The following PACS1 variants were observed in gnomAD, a reference collection of about 807,000 sequenced individuals.
The protein encoded by PACS1 is phosphofurin acidic cluster sorting protein 1.
Under a neutral mutation model 115.0 loss-of-function variants are expected in PACS1, and 24 were observed. The observed-to-expected ratio is 0.21, with a 90% CI of 0.15 to 0.29. The LOEUF is 0.29. Ranked by LOEUF, PACS1 falls within the 10% of genes least tolerant of loss-of-function variation. PACS1 has a pLI of 1.00. For synonymous variants in PACS1, 453 were observed against 504.5 expected, an observed-to-expected ratio of 0.90 and a Z score of 1.37; for missense variants, 838 against 1,251.2, an observed-to-expected ratio of 0.67 and a Z score of 4.98.
intron 2 of PACS1, among the ~76,000 whole-genome samples, chr11:66,206,253 TTC>T (rs1218549161): frequency 6.6e-6 from 1 of 152,214 alleles, no homozygotes. Context: ...ATGGTTTTGC[TTC>T]TATACTGCAA....
intron 10 of PACS1, among the ~76,000 whole-genome samples, chr11:66,222,165 G>A (rs1855365256): frequency 6.6e-6 from 1 of 152,152 alleles, no homozygotes; most frequent in South Asian, 2.1e-4. Context: ...AGCTGAGAGT[G>A]TGGCATGGAG....
At chr11:66,077,518 G>A (rs552166698) in intron 1 of PACS1, among the ~76,000 whole-genome samples, 2 of 152,224 alleles carry the variant, frequency 1.3e-5, no homozygotes, top group South Asian at 2.1e-4. Context: ...CCATGATCTC[G>A]CCCCTGTACT....
At chr11:66,078,116 G>GA (rs1447376114) in intron 1 of PACS1, among the ~76,000 whole-genome samples, 1 of 152,134 alleles carries the variant, frequency 6.6e-6, no homozygotes, top group Non-Finnish European at 1.5e-5. Context: ...TGTGAGTAAT[G>GA]ATCTGTGTCC....
At chr11:66,090,577 G>A (rs1472550982) in intron 1 of PACS1, among the ~76,000 whole-genome samples, 1 of 151,960 alleles carries the variant, frequency 6.6e-6, no homozygotes, top group Non-Finnish European at 1.5e-5. Flanking sequence ...CCTAAAAGTG[G>A]CACCTGTTTT....
At chr11:66,155,254 T>C (rs1280250180) in intron 1 of PACS1, among the ~76,000 whole-genome samples, 1 of 152,122 alleles carries the variant, frequency 6.6e-6, no homozygotes, top group Non-Finnish European at 1.5e-5. Flanking sequence ...AAAAAGCACA[T>C]ACCATAAAAT....
intron 1 of PACS1, among the ~76,000 whole-genome samples, chr11:66,184,116 C>T (rs770531427): frequency 1.6e-4 from 25 of 151,768 alleles, no homozygotes; most frequent in Non-Finnish European, 3.1e-4. Context: ...TTTTTCTGTG[C>T]AAAATTTGAC....
In PACS1 at chr11:66,173,357, T is replaced by A. The variant is rs534339727; in HGVS notation, c.357-20129T>A. 2.6e-5 allele frequency among the ~76,000 whole-genome samples: 4 copies of A among 152,338 alleles called. No homozygotes were observed. In the East Asian group the frequency reaches 7.7e-4, roughly 29 times the overall value. On this transcript the variant is annotated intron_variant, in intron 1 of 23. Coordinates refer to ENST00000320580, the MANE Select transcript of PACS1 (RefSeq NM_018026.4). ...ATTTTTTATTTTCTTCTGAGTTCCA[T>A]TATTGCTGTTAAAAGTCCATTGTCA...
chr11:66,231,286 A>G (rs559298), intron 13 of PACS1, among the ~76,000 whole-genome samples: 9,260 of 152,314 alleles, frequency 0.061, 301 homozygotes, highest in Non-Finnish European at 0.068. Flanking sequence ...CCACTGTTGC[A>G]GAGGACAGCA....
rs1855700457 is a variant in PACS1 at position 66,236,222 on chromosome 11, G to A, written c.2250+282G>A. ...CAAGTGTCAGTAGTGCAGAGGTGGA[G>A]AAACCCTGGGCCGGACATGGATTGG... On this transcript the variant is annotated intron_variant, in intron 19 of 23. Transcript: ENST00000320580. This position sits in a 1 kb window ranked among gnomAD's most constrained non-coding sequence, Gnocchi z 4.2. Among the ~76,000 whole-genome samples the A allele has an allele frequency of 6.6e-6, 1 of 152,220 alleles. No homozygotes were observed. Among genetic ancestry groups the A allele is most frequent in the African/African-American group, 2.4e-5 (1 of 41,458 alleles).
intron 1 of PACS1, among the ~76,000 whole-genome samples, chr11:66,078,983 C>T (rs1375783306): frequency 6.6e-6 from 1 of 152,218 alleles, no homozygotes; most frequent in African/African-American, 2.4e-5. Context: ...TCTTGGCTCA[C>T]TGCAACCTCT....
intron 1 of PACS1, among the ~76,000 whole-genome samples, chr11:66,162,068 A>T (rs984145236): frequency 6.8e-6 from 1 of 147,398 alleles, no homozygotes; most frequent in African/African-American, 2.5e-5. Context: ...TTGAAGACAG[A>T]CCTGAAATCC....
intron 1 of PACS1, among the ~76,000 whole-genome samples, chr11:66,091,495 T>G (rs924162006): frequency 6.6e-6 from 1 of 151,340 alleles, no homozygotes; most frequent in Admixed American, 6.6e-5. Flanking sequence ...CTCATTGTTG[T>G]TGTTGTTGTT....
chr11:66,084,938 GTTC>G (rs1297432040), intron 1 of PACS1, among the ~76,000 whole-genome samples: 2 of 152,076 alleles, frequency 1.3e-5, no homozygotes, highest in Non-Finnish European at 2.9e-5. Context: ...ACCTGGATGA[GTTC>G]TTCTTATGCT....
chr11:66,234,396 A>G (rs1855665463), intron 17 of PACS1, among the ~76,000 whole-genome samples, 154 bp downstream of exon 17: 1 of 152,124 alleles, frequency 6.6e-6, no homozygotes, highest in Admixed American at 6.5e-5. Flanking sequence ...GTGTTTATTA[A>G]GCGGAGGCTC....
intron 1 of PACS1, among the ~76,000 whole-genome samples, chr11:66,181,244 C>T (rs1469274509): frequency 1.3e-5 from 2 of 150,798 alleles, no homozygotes; most frequent in African/African-American, 4.9e-5. Context: ...TAGAGTCTCA[C>T]TCTGTCTCCC....
chr11:66,138,560 A>C (rs1858900586), intron 1 of PACS1, among the ~76,000 whole-genome samples: 1 of 152,052 alleles, frequency 6.6e-6, no homozygotes, highest in African/African-American at 2.4e-5. Flanking sequence ...TAAGTTTTGT[A>C]CCCTGGGTCC....
intron 21 of PACS1, among the ~76,000 whole-genome samples, chr11:66,239,977 T>C (rs1855778989): frequency 6.6e-6 from 1 of 152,242 alleles, no homozygotes; most frequent in African/African-American, 2.4e-5. Flanking sequence ...GGCCACGTAG[T>C]GACGTGGATT....
chr11:66,084,357 A>G (rs1376193688), intron 1 of PACS1: 1 of 152,290 alleles, frequency 6.6e-6, no homozygotes, highest in African/African-American at 2.4e-5. Flanking sequence ...AGTAATGGAT[A>G]AAGTCAGAGA....
intron 2 of PACS1, among the ~76,000 whole-genome samples, chr11:66,208,658 T>TAAAA (rs769442696): frequency 1.8e-5 from 2 of 112,516 alleles, no homozygotes; most frequent in Admixed American, 9.4e-5. Flanking sequence ...CTCTTTTTAT[T>TAAAA]AAAAAAAAAA....
Sources: gnomAD v4.1 joint callset for allele counts (sites outside exome capture counted in the v4.1 genomes callset) on GRCh38, gnomAD v4.1.1 for gene constraint, Gnocchi (gnomAD v3.1) non-coding constraint, MANE v1.5 for transcripts, NCBI Gene and HGNC (gene_info 2026-07-23, HGNC 2026-07-21) for gene names.